NSRP1: variants seen among roughly 807,000 people sequenced by gnomAD.
NSRP1 encodes coiled-coil domain containing 55.
NSRP1 carries 24 observed loss-of-function variants against 54.7 expected under a neutral mutation model. The observed-to-expected ratio is 0.44, with a 90% confidence interval of 0.32 to 0.62. The LOEUF (loss-of-function observed/expected upper bound fraction) is 0.62, where lower values mean the gene tolerates loss of function less well. Ranked by LOEUF, NSRP1 falls within the 20% of genes least tolerant of loss-of-function variation. The pLI is 0.06. For synonymous variants in NSRP1, 210 were observed against 213.8 expected, an observed-to-expected ratio of 0.98 and a Z score of 0.15; for missense variants, 596 against 651.2, an observed-to-expected ratio of 0.92 and a Z score of 0.92.
chr17:30,163,982 G>A (rs28615183), intron 2 of NSRP1, among the ~76,000 whole-genome samples: 1,733 of 151,988 alleles, frequency 0.011, 38 homozygotes, highest in African/African-American at 0.04. Context: ...CACCGTACCC[G>A]GCCAATGACC....
intron 2 of NSRP1, among the ~76,000 whole-genome samples, chr17:30,152,788 T>A (rs1379929274): frequency 6.6e-6 from 1 of 152,060 alleles, no homozygotes; most frequent in Non-Finnish European, 1.5e-5. Flanking sequence ...TCTGGTAACC[T>A]ACTTTGTTCT....
chr17:30,155,973 G>A (rs1039683294), intron 2 of NSRP1, among the ~76,000 whole-genome samples: 1 of 151,822 alleles, frequency 6.6e-6, no homozygotes, highest in African/African-American at 2.4e-5. Flanking sequence ...CCTAGTAGCT[G>A]GGATTACAGG....
chr17:30,144,909 C>T (rs1037425903), intron 2 of NSRP1: 3 of 152,126 alleles, frequency 2.0e-5, no homozygotes, highest in African/African-American at 7.2e-5. Context: ...GCTTGGATAT[C>T]CGTGTTTGAT....
rs749268668 is a variant in NSRP1 at position 30,178,218 on chromosome 17, C to CA, written c.300+22dup. 9 of 1,586,268 alleles carry CA rather than the reference C, an allele frequency of 5.7e-6. No homozygotes were observed. In the South Asian group the frequency reaches 1.1e-4, roughly 19 times the overall value. On this transcript the variant is annotated intron_variant, in intron 4 of 6. Transcript: ENST00000247026. ...CAGAAAGGTTTGTAAGCTGAAATAA[C>CA]AAACTTTCTTTGACCTTGACCTACA...
At chr17:30,136,746 C>T (rs563515654) in intron 2 of NSRP1, among the ~76,000 whole-genome samples, 10 of 152,198 alleles carry the variant, frequency 6.6e-5, no homozygotes, top group African/African-American at 2.4e-4. Flanking sequence ...AAATAACTTG[C>T]CTGAGATTAC....
intron 2 of NSRP1, among the ~76,000 whole-genome samples, 171 bp downstream of exon 2, chr17:30,118,344 G>C (rs1050024351): frequency 2.6e-5 from 4 of 152,152 alleles, no homozygotes; most frequent in Admixed American, 2.0e-4. Context: ...ATTTTTTAAA[G>C]ATTTTTTTCC....
At chr17:30,125,488 C>T (rs2071641513) in intron 2 of NSRP1, among the ~76,000 whole-genome samples, 1 of 152,162 alleles carries the variant, frequency 6.6e-6, no homozygotes, top group African/African-American at 2.4e-5. Flanking sequence ...TTTGTGCTTG[C>T]ATCCAGGGTT....
chr17:30,145,452 G>A (rs944365493), intron 2 of NSRP1, among the ~76,000 whole-genome samples: 22 of 152,096 alleles, frequency 1.4e-4, no homozygotes, highest in African/African-American at 7.2e-5. Flanking sequence ...ACGTGGTGGC[G>A]TGCTCCTGTA....
intron 3 of NSRP1, among the ~76,000 whole-genome samples, chr17:30,175,872 G>A (rs1567805779): frequency 6.6e-6 from 1 of 151,952 alleles, no homozygotes; most frequent in Non-Finnish European, 1.5e-5. Flanking sequence ...GCATGGTGGT[G>A]TGCACCTGTA....
chr17:30,116,983 G>A, intron 1 of NSRP1, 120 bp downstream of exon 1: 2 of 1,284,416 alleles, frequency 1.6e-6, no homozygotes, highest in East Asian at 2.5e-5. Flanking sequence ...GGGTAGAGAC[G>A]GGAAAAAACG....
At chr17:30,158,841 A>G (rs1052948332) in intron 2 of NSRP1, among the ~76,000 whole-genome samples, 2 of 152,028 alleles carry the variant, frequency 1.3e-5, no homozygotes, top group African/African-American at 4.8e-5. Flanking sequence ...TTTTATACTA[A>G]TACTATGCTA....
intron 2 of NSRP1, among the ~76,000 whole-genome samples, chr17:30,149,862 A>G (rs2071889949): frequency 6.6e-6 from 1 of 151,682 alleles, no homozygotes; most frequent in Admixed American, 6.6e-5. Flanking sequence ...AAATACCAAA[A>G]GCTCTGTGGT....
chr17:30,185,276 A>G lies in NSRP1; in HGVS notation c.1279A>G (p.Arg427Gly). ...AGAGCATATGAAAGTAAGGAAGGAAAGATATGAAAATAATGATAAATACAG... is the reference window on the plus strand; with the variant it reads ...AGAGCATATGAAAGTAAGGAAGGAAGGATATGAAAATAATGATAAATACAG... The part of the protein sequence containing the change: ...KEEHMKVRKE[R>G]YENNDKYRDR... Residue 427 changes from arginine (R) to glycine (G), a missense_variant, in exon 7 of 7, where the codon AGA becomes GGA. Physicochemically the swap from Arg to Gly is moderately radical, Grantham distance 125. Coordinates refer to ENST00000247026, the MANE Select transcript of NSRP1 (RefSeq NM_032141.4). The G allele has an allele frequency of 6.2e-7, 1 of 1,602,448 alleles. No individual in the cohort carries two copies. Among genetic ancestry groups the G allele is most frequent in the South Asian group, 1.1e-5 (1 of 88,442 alleles).
intron 2 of NSRP1, among the ~76,000 whole-genome samples, chr17:30,163,772 C>T (rs1158502861): frequency 2.0e-5 from 3 of 150,342 alleles, no homozygotes; most frequent in African/African-American, 7.3e-5. Context: ...ACCTCCACCT[C>T]CTGGGTGCAA....
In NSRP1 at chr17:30,179,203, T is replaced by C; in HGVS notation, c.414T>C (p.Asp138=). Residue 138 remains aspartate (D), a synonymous_variant, in exon 5 of 7, where the codon GAT becomes GAC. Transcript: ENST00000247026. ...GAGAAATGGAAAAGGGGGAGTTTGA[T>C]GATAAAGAAGCATTTGTGACATCTG... ...REREMEKGEF[D]DKEAFVTSAY... 1 of 1,611,540 alleles carries C rather than the reference T, an allele frequency of 6.2e-7. No homozygotes were observed. The highest frequency in any genetic ancestry group is 8.5e-7 in the Non-Finnish European group (1 of 1,178,648).
At chr17:30,142,866 C>T (rs530685799) in intron 2 of NSRP1, among the ~76,000 whole-genome samples, 10 of 152,220 alleles carry the variant, frequency 6.6e-5, no homozygotes, top group African/African-American at 1.9e-4. Flanking sequence ...CCATTCACTA[C>T]GTACCATTAT....
intron 6 of NSRP1, among the ~76,000 whole-genome samples, chr17:30,182,040 C>A (rs936972301): frequency 8.5e-5 from 12 of 141,894 alleles, no homozygotes; most frequent in Non-Finnish European, 1.7e-4. Context: ...AGCCACTGCA[C>A]CTGGCTGCTT....
rs72825894 is a variant in NSRP1, at chr17:30,170,961, A to G, written c.115-1581A>G. Reference sequence around the variant, plus strand: ...TTTATTATTTTTTGACTTTTTTAGAATAGCCATTCTAACAGGTGTGAGGTG... The same window carrying G: ...TTTATTATTTTTTGACTTTTTTAGAGTAGCCATTCTAACAGGTGTGAGGTG... On this transcript the variant is annotated intron_variant, in intron 2 of 6. Transcript: ENST00000247026. 2.0e-4 allele frequency among the ~76,000 whole-genome samples: 31 copies of G among 152,288 alleles called. 1 individual carries two copies. The highest frequency in any genetic ancestry group is 5.5e-4 in the African/African-American group (23 of 41,562).
In NSRP1 at chr17:30,180,621, T is replaced by G. The variant is rs1032649257; in HGVS notation, c.509-287T>G. ...ATAAATTCATATTTTGAATGCCAGA[T>G]CATATTCATACTTTAGGGCTTTTTG... On this transcript the variant is annotated intron_variant, in intron 5 of 6. Coordinates refer to ENST00000247026, the MANE Select transcript of NSRP1 (RefSeq NM_032141.4). Among the ~76,000 whole-genome samples, 19 of 152,266 alleles carry G rather than the reference T, an allele frequency of 1.2e-4. 1 individual carries two copies. Among genetic ancestry groups the G allele is most frequent in the Non-Finnish European group, 1.5e-5 (1 of 68,052 alleles).
Sources: gnomAD v4.1 joint callset for allele counts (sites outside exome capture counted in the v4.1 genomes callset) on GRCh38, gnomAD v4.1.1 for gene constraint, MANE v1.5 for transcripts, NCBI Gene and HGNC (gene_info 2026-07-23, HGNC 2026-07-21) for gene names.